Variants in LIMA1 observed in about 807,000 individuals in gnomAD.
The protein encoded by LIMA1 is LIM domain and actin binding 1, also known as LIM domain and actin-binding protein 1.
Under a neutral mutation model 62.6 loss-of-function variants are expected in LIMA1, and 52 were observed. The observed-to-expected ratio is 0.83, with a 90% CI of 0.67 to 1.05. LIMA1 has a LOEUF of 1.05. Among genes scored for constraint, LIMA1 ranks in the 50% least tolerant of loss-of-function variants. LIMA1 has a pLI of 0.00. For missense variants in LIMA1, 780 were observed against 902.2 expected (o/e 0.86, Z 1.74); for synonymous variants, 302 against 317.8 (o/e 0.95, Z 0.53).
intron 4 of LIMA1, among the ~76,000 whole-genome samples, chr12:50,218,903 A>AAC (rs1565845779): frequency 6.8e-6 from 1 of 147,936 alleles, no homozygotes; most frequent in African/African-American, 2.6e-5. Flanking sequence ...CATAAAAAAA[A>AAC]AAAAAACAAA....
chr12:50,268,257 C>T (rs1034818802), intron 1 of LIMA1, among the ~76,000 whole-genome samples: 1 of 152,138 alleles, frequency 6.6e-6, no homozygotes, highest in Non-Finnish European at 1.5e-5. Flanking sequence ...CTGTAAGAAG[C>T]CTGACGGACA....
At chr12:50,252,707 C>T (rs1443691716) in intron 1 of LIMA1, among the ~76,000 whole-genome samples, 1 of 151,114 alleles carries the variant, frequency 6.6e-6, no homozygotes. Context: ...TAGGTCTAAT[C>T]TTATGTGCTA....
intron 1 of LIMA1, 66 bp from the exon 2 acceptor site, chr12:50,248,840 AG>A (rs1941888312): frequency 1.2e-6 from 1 of 838,718 alleles, no homozygotes; most frequent in Non-Finnish European, 2.0e-6. Flanking sequence ...AAGGATTGGC[AG>A]TGGTGTGGTA....
chr12:50,201,391 G>T (rs1941047523), intron 6 of LIMA1: 1 of 983,488 alleles, frequency 1.0e-6, no homozygotes, highest in Non-Finnish European at 1.2e-6. Flanking sequence ...ATACCATAAA[G>T]AAACCTTTTT....
chr12:50,260,047 G>A (rs1037817259), intron 1 of LIMA1, among the ~76,000 whole-genome samples: 20 of 151,912 alleles, frequency 1.3e-4, no homozygotes, highest in African/African-American at 4.1e-4. Context: ...TTCTCTGAGC[G>A]AGCTCACTTA....
rs1194394055 is a variant in LIMA1, at chr12:50,263,849, TATAG to T, written c.-23-15079_-23-15076del. Among the ~76,000 whole-genome samples the T allele has an allele frequency of 3.0e-3, 307 of 102,790 alleles. 2 individuals carry two copies. Among genetic ancestry groups the T allele is most frequent in the South Asian group, 7.8e-3 (21 of 2,680 alleles). The allele number at this position is 102,790 out of a possible 152,430, so 67.4% of individuals were successfully genotyped here. On this transcript the variant is annotated intron_variant, in intron 1 of 10. Transcript: ENST00000341247. The stretch of plus-strand genomic sequence containing the variant: ...TATAGAGAGAGTATATATATATATA[TATAG>T]AGAGTATATATATATATATATATAA...
intron 1 of LIMA1, among the ~76,000 whole-genome samples, chr12:50,279,290 C>A (rs1291555685): frequency 6.6e-6 from 1 of 150,674 alleles, no homozygotes; most frequent in African/African-American, 2.4e-5. Context: ...CAGGCATGAG[C>A]CATCACACCC....
intron 1 of LIMA1, among the ~76,000 whole-genome samples, chr12:50,282,527 T>C (rs1942352316): frequency 6.6e-6 from 1 of 152,326 alleles, no homozygotes; most frequent in Admixed American, 6.5e-5. Context: ...TTATTTTTAT[T>C]TATTTATTTA....
intron 2 of LIMA1, among the ~76,000 whole-genome samples, chr12:50,246,871 T>C (rs777454732): frequency 6.6e-6 from 1 of 152,218 alleles, no homozygotes; most frequent in Non-Finnish European, 1.5e-5. Flanking sequence ...CCACTACCAG[T>C]GCTTCTTAAA....
At chr12:50,223,866 C>T (rs1941487866) in intron 3 of LIMA1, among the ~76,000 whole-genome samples, 1 of 152,042 alleles carries the variant, frequency 6.6e-6, no homozygotes, top group Non-Finnish European at 1.5e-5. Flanking sequence ...CGTGAAACCA[C>T]GTCTCTACTA....
chr12:50,227,001 C>A (rs1376202331), intron 3 of LIMA1, among the ~76,000 whole-genome samples: 1 of 148,810 alleles, frequency 6.7e-6, no homozygotes, highest in Non-Finnish European at 1.5e-5. Flanking sequence ...CTCTGCTTTG[C>A]TTACTTTACA....
chr12:50,209,208 A>C (rs1174394815), intron 4 of LIMA1, among the ~76,000 whole-genome samples: 2 of 152,022 alleles, frequency 1.3e-5, no homozygotes, highest in African/African-American at 4.8e-5. Flanking sequence ...GCATACTTTC[A>C]TGAATTATTA....
intron 4 of LIMA1, among the ~76,000 whole-genome samples, chr12:50,215,272 T>C (rs1191446974): frequency 6.6e-6 from 1 of 152,172 alleles, no homozygotes; most frequent in Non-Finnish European, 1.5e-5. Context: ...AGTGAAGTTT[T>C]TGTTGGCATT....
intron 3 of LIMA1, chr12:50,222,851 G>C: frequency 3.0e-6 from 1 of 335,134 alleles, no homozygotes. Flanking sequence ...ACAAGTGCTT[G>C]AAACACTGTA....
chr12:50,204,760 C>A lies in LIMA1; in HGVS notation c.716-60G>T, dbSNP rs1293344808. 2.6e-6 allele frequency: 4 copies of A among 1,551,914 alleles called. No homozygotes were observed. In the African/African-American group the frequency reaches 4.1e-5, roughly 16 times the overall value. On this transcript the variant is annotated intron_variant, in intron 5 of 10. Coordinates refer to ENST00000341247, the MANE Select transcript of LIMA1 (RefSeq NM_016357.5). ...TCTGAGATGGGGTCTCACTCTATCA[C>A]CCAGGCTGAAGTGCAGTGGCACGAT... is the stretch of plus-strand genomic sequence containing the variant.
chr12:50,231,812 G>T, intron 2 of LIMA1, 102 bp from the exon 3 acceptor site: 1 of 1,116,174 alleles, frequency 9.0e-7, no homozygotes, highest in Non-Finnish European at 1.3e-6. Context: ...TTATTGCCCA[G>T]GCTGCAGTGC....
At chr12:50,185,574 T>TC (rs886769644) in intron 9 of LIMA1, 2 of 433,430 alleles carry the variant, frequency 4.6e-6, no homozygotes, top group African/African-American at 4.1e-5. Flanking sequence ...TTTCTTTTTT[T>TC]CCTTTTTAAG....
chr12:50,214,737 T>C (rs1941315400), intron 4 of LIMA1, among the ~76,000 whole-genome samples: 1 of 152,206 alleles, frequency 6.6e-6, no homozygotes, highest in Non-Finnish European at 1.5e-5. Flanking sequence ...ACCCGGGAGG[T>C]GGAGGTTGCA....
chr12:50,214,051 C>CACACACACACACAT lies in LIMA1; in HGVS notation c.630+7969_630+7970insATGTGTGTGTGTGT, dbSNP rs55904917. 6.4e-3 allele frequency among the ~76,000 whole-genome samples: 962 copies of CACACACACACACAT among 149,966 alleles called. 11 individuals are homozygous for CACACACACACACAT. Among genetic ancestry groups the CACACACACACACAT allele is most frequent in the South Asian group, 0.027 (125 of 4,668 alleles). ...ACACACACACACACACACACACACA[C>CACACACACACACAT]GAGATTACTCAGAGTTATTAAGAGT... is the stretch of plus-strand genomic sequence containing the variant. On this transcript the variant is annotated intron_variant, in intron 4 of 10. Coordinates refer to ENST00000341247, the MANE Select transcript of LIMA1 (RefSeq NM_016357.5).
Sources: allele counts gnomAD v4.1 joint callset (sites outside exome capture counted in the v4.1 genomes callset), GRCh38; gene constraint gnomAD v4.1.1; transcripts MANE v1.5; gene names NCBI Gene and HGNC (gene_info 2026-07-23, HGNC 2026-07-21).